Variants in ANKRD18B observed in about 807,000 individuals in gnomAD.
ANKRD18B encodes ankyrin repeat domain-containing protein 18B.
A neutral mutation model predicts 111.8 loss-of-function variants in ANKRD18B; 75 were observed. That is an observed-to-expected ratio of 0.67 (90% CI 0.56 to 0.81). ANKRD18B has a LOEUF of 0.81. Ranked by LOEUF, ANKRD18B falls within the 40% of genes least tolerant of loss-of-function variation. The probability of loss-of-function intolerance (pLI) is 0.00; values close to 1 mark genes in which losing one functional copy is unlikely to be tolerated. For missense variants in ANKRD18B, 1,038 were observed against 1,225.5 expected (o/e 0.85, Z 2.28); for synonymous variants, 356 against 417.3 (o/e 0.85, Z 1.79).
chr9:33,527,511 A>T (rs1450851137), intron 1 of ANKRD18B, among the ~76,000 whole-genome samples: 1 of 152,132 alleles, frequency 6.6e-6, no homozygotes, highest in Non-Finnish European at 1.5e-5. Context: ...TAGTAGAGAC[A>T]GAGTTTCACC....
intron 10 of ANKRD18B, among the ~76,000 whole-genome samples, chr9:33,546,805 A>T (rs1470916390): frequency 2.0e-5 from 3 of 152,062 alleles, no homozygotes; most frequent in Admixed American, 2.0e-4. Context: ...TTCCATTATC[A>T]AGTAGATAAT....
In ANKRD18B at chr9:33,566,492, C is replaced by A; in HGVS notation, c.2734C>A (p.His912Asn). 7.5e-6 allele frequency: 12 copies of A among 1,603,366 alleles called. No homozygotes were observed. Among genetic ancestry groups the A allele is most frequent in the Non-Finnish European group, 1.0e-5 (12 of 1,177,884 alleles). The change falls in exon 15 of 19, where the codon CAT (histidine) becomes AAT (asparagine). Residue 912 changes from histidine (H) to asparagine (N), a missense_variant. His to Asn is a moderately conservative substitution (Grantham distance 68). Around this residue, in one of 4 missense-constraint regions of ANKRD18B, gnomAD observed 524 missense variants for 677.9 expected, o/e 0.77. Transcript: ENST00000684830. Reference protein sequence around the residue: ...MQAIEKLEEIHLQKQAEYEKQ... With the variant: ...MQAIEKLEEINLQKQAEYEKQ... ...GGCAATAGAAAAATTAGAAGAAATC[C>A]ATTTACAGGTTAGTTTTTAAAATCA...
Position 33,541,839 on chromosome 9 carries a change from A to G in ANKRD18B, c.1078+612A>G, listed in dbSNP as rs1466262276. 4.6e-5 allele frequency among the ~76,000 whole-genome samples: 7 copies of G among 152,354 alleles called. No homozygotes were observed. In the East Asian group the frequency reaches 1.3e-3, roughly 29 times the overall value. On this transcript the variant is annotated intron_variant, in intron 9 of 18. Coordinates refer to ENST00000684830, the MANE Select transcript of ANKRD18B (RefSeq NM_001393611.1). ...AATAGTTGGTTTATATAAGGCTTTC[A>G]GAAACTGGCTTCTGCCCAAATCTCC...
intron 12 of ANKRD18B, among the ~76,000 whole-genome samples, chr9:33,554,259 C>A (rs902521295): frequency 6.6e-6 from 1 of 151,888 alleles, no homozygotes; most frequent in South Asian, 2.1e-4. Flanking sequence ...AGACAGCCCC[C>A]CTTCAAGATT....
chr9:33,533,698 A>T, intron 4 of ANKRD18B, 153 bp downstream of exon 4: 1 of 1,383,254 alleles, frequency 7.2e-7, no homozygotes, highest in South Asian at 1.8e-5. Flanking sequence ...GTAGAAAAGA[A>T]GTTATTTGGA....
chr9:33,565,421 T>G (rs924837752), intron 14 of ANKRD18B, among the ~76,000 whole-genome samples: 7 of 152,184 alleles, frequency 4.6e-5, no homozygotes, highest in Admixed American at 4.6e-4. Context: ...ACATTTGCGG[T>G]TTAGGGAAAG....
chr9:33,526,314 G>A (rs1354671337), intron 1 of ANKRD18B, among the ~76,000 whole-genome samples: 2 of 152,168 alleles, frequency 1.3e-5, no homozygotes, highest in Admixed American at 6.5e-5. Context: ...CATAGAATGG[G>A]TATGTGGCCA....
chr9:33,568,900 T>C lies in ANKRD18B; in HGVS notation c.3177+7T>C. The C allele has an allele frequency of 6.5e-7, 1 of 1,527,406 alleles. No individual in the cohort carries two copies. Among genetic ancestry groups the C allele is most frequent in the Non-Finnish European group, 8.8e-7 (1 of 1,137,330 alleles). The allele number at this position is 1,527,406 out of a possible 1,614,324, so 94.6% of individuals were successfully genotyped here. On this transcript the variant is annotated splice_region_variant and intron_variant, in intron 17 of 18. Transcript: ENST00000684830. ...CAAGAACTCCTTGACTGAGGTTAGT[T>C]ATATGACCATTTCTCTTTTGGGTTT...
intron 14 of ANKRD18B, among the ~76,000 whole-genome samples, chr9:33,558,464 CTG>C: frequency 6.6e-6 from 1 of 152,150 alleles, no homozygotes; most frequent in South Asian, 2.1e-4. Flanking sequence ...TTTTTTGTTC[CTG>C]TGTTAGTTTG....
chr9:33,550,337 A>T, intron 11 of ANKRD18B, 93 bp from the exon 12 acceptor site: 3 of 1,259,218 alleles, frequency 2.4e-6, no homozygotes, highest in South Asian at 1.8e-5. Context: ...TGTGTGTGGT[A>T]ATAATTTTCA....
At chr9:33,546,409 T>C (rs1828355967) in intron 10 of ANKRD18B, among the ~76,000 whole-genome samples, 2 of 152,186 alleles carry the variant, frequency 1.3e-5, no homozygotes, top group African/African-American at 4.8e-5. Context: ...AATCAGACTT[T>C]TACATGATGT....
At chr9:33,526,064 T>C (rs1194468477) in intron 1 of ANKRD18B, among the ~76,000 whole-genome samples, 1 of 152,146 alleles carries the variant, frequency 6.6e-6, no homozygotes, top group Non-Finnish European at 1.5e-5. Context: ...AGAATTTAAG[T>C]TAAAAGAGGA....
At chr9:33,554,181 A>AAAAGAAAG (rs200436620) in intron 12 of ANKRD18B, among the ~76,000 whole-genome samples, 5,678 of 151,110 alleles carry the variant, frequency 0.038, 110 homozygotes, top group East Asian at 0.048. Context: ...GAAAGAAGGA[A>AAAAGAAAG]AAAGAAAGAA....
chr9:33,567,597 G>C (rs765304223), intron 16 of ANKRD18B, among the ~76,000 whole-genome samples: 11 of 152,004 alleles, frequency 7.2e-5, no homozygotes, highest in African/African-American at 2.4e-4. Context: ...TATTTTTGAA[G>C]CTTTATGATA....
intron 14 of ANKRD18B, among the ~76,000 whole-genome samples, chr9:33,559,502 T>C (rs966517947): frequency 2.0e-5 from 3 of 152,080 alleles, no homozygotes; most frequent in Non-Finnish European, 4.4e-5. Flanking sequence ...TGAGATTTGA[T>C]TGTTTGAAGG....
At chr9:33,561,990 C>T (rs1339634662) in intron 14 of ANKRD18B, among the ~76,000 whole-genome samples, 3 of 152,026 alleles carry the variant, frequency 2.0e-5, no homozygotes, top group Non-Finnish European at 2.9e-5. Context: ...AGTAGAATAT[C>T]TTTAACTTCA....
chr9:33,537,805 G>A (rs1283495625), intron 6 of ANKRD18B, among the ~76,000 whole-genome samples: 1 of 152,078 alleles, frequency 6.6e-6, no homozygotes, highest in East Asian at 1.9e-4. Flanking sequence ...CAGTGAACAC[G>A]TATTTGTATG....
intron 12 of ANKRD18B, among the ~76,000 whole-genome samples, chr9:33,554,180 A>G (rs544053876): frequency 3.0e-4 from 44 of 149,092 alleles, no homozygotes; most frequent in African/African-American, 8.3e-4. Context: ...AGAAAGAAGG[A>G]AAAAGAAAGA....
At chr9:33,564,417 A>G (rs139891984) in intron 14 of ANKRD18B, among the ~76,000 whole-genome samples, 13,315 of 152,294 alleles carry the variant, frequency 0.087, 614 homozygotes, top group South Asian at 0.099. Context: ...GTGTATGTGT[A>G]CCACAATTTT....
Sources: gnomAD v4.1 joint callset for allele counts (sites outside exome capture counted in the v4.1 genomes callset) on GRCh38, gnomAD v4.1.1 for gene constraint, gnomAD v4.1.1 regional missense constraint, MANE v1.5 for transcripts, NCBI Gene and HGNC (gene_info 2026-07-23, HGNC 2026-07-21) for gene names.